KLKB1: variants seen among roughly 807,000 people sequenced by gnomAD.
The protein encoded by KLKB1 is kallikrein B1.
Under a neutral mutation model 73.6 loss-of-function variants are expected in KLKB1, and 58 were observed. That is an observed-to-expected ratio of 0.79 (90% CI 0.64 to 0.98). The LOEUF is 0.98. KLKB1 is among the 50% of genes least tolerant of loss of function. The pLI is 0.00. For synonymous variants in KLKB1, 280 were observed against 258.1 expected, an observed-to-expected ratio of 1.08 and a Z score of -0.81; for missense variants, 737 against 763.8, an observed-to-expected ratio of 0.96 and a Z score of 0.41.
In KLKB1 at chr4:186,251,749, G is replaced by C; in HGVS notation, c.1032G>C (p.Lys344Asn). 2 of 1,611,312 alleles carry C rather than the reference G, an allele frequency of 1.2e-6. No homozygotes were observed. The highest frequency in any genetic ancestry group is 1.7e-6 in the Non-Finnish European group (2 of 1,177,476). The change falls in exon 10 of 15, where the codon AAG (lysine) becomes AAC (asparagine). Residue 344 changes from lysine (K) to asparagine (N), a missense_variant and splice_region_variant. Lys to Asn is a moderately conservative substitution (Grantham distance 94). Transcript: ENST00000264690. ...TCTTTCTACTGTTCATTTCATCTAG[G>C]TGTAAGTGTTTCTTAAGATTATCTA... ...SLLPEDCKEE[K>N]CKCFLRLSMD...
At chr4:186,240,419 C>T (rs184303694) in intron 6 of KLKB1, among the ~76,000 whole-genome samples, 155 of 152,180 alleles carry the variant, frequency 1.0e-3, no homozygotes, top group Admixed American at 9.5e-3. Context: ...ACTGTAAGGT[C>T]ATTCCTTGGT....
At chr4:186,257,721 T>A (rs1400462754) in intron 14 of KLKB1, among the ~76,000 whole-genome samples, 1 of 150,294 alleles carries the variant, frequency 6.7e-6, no homozygotes, top group Non-Finnish European at 1.5e-5. Flanking sequence ...CATGAGATAC[T>A]TGGAGAACTT....
rs2278542 is a variant in KLKB1, at chr4:186,250,273, C to A, written c.629C>A (p.Ala210Glu). 2.2e-3 allele frequency: 3,484 copies of A among 1,614,064 alleles called. 77 individuals are homozygous for A. In the East Asian group the frequency reaches 0.045, roughly 21 times the overall value. The stretch of plus-strand genomic sequence containing the variant: ...CACATGAACATCTTCCAGCATCTTG[C>A]GTTCTCAGATGTGGATGTTGCCAGG... The part of the protein sequence containing the change: ...GCHMNIFQHL[A>E]FSDVDVARVL... The change falls in exon 7 of 15, where the codon GCG (alanine) becomes GAG (glutamate). Residue 210 changes from alanine to glutamate, a missense_variant. Physicochemically the swap from Ala to Glu is moderately radical, Grantham distance 107. Transcript: ENST00000264690.
upstream of KLKB1, among the ~76,000 whole-genome samples, chr4:186,222,769 T>C (rs1246649085): frequency 2.0e-5 from 3 of 152,198 alleles, no homozygotes; most frequent in Non-Finnish European, 4.4e-5. Context: ...TTTGTTTTCA[T>C]GTTAGTTAGT....
At chr4:186,240,544 C>T (rs1358394136) in intron 6 of KLKB1, among the ~76,000 whole-genome samples, 1 of 152,102 alleles carries the variant, frequency 6.6e-6, no homozygotes, top group African/African-American at 2.4e-5. Context: ...GACATTCCAC[C>T]TCATTTAGCA....
At chr4:186,239,571 G>A (rs1561455487) in intron 6 of KLKB1, among the ~76,000 whole-genome samples, 1 of 144,738 alleles carries the variant, frequency 6.9e-6, no homozygotes, top group Admixed American at 6.9e-5. Flanking sequence ...AGAGTTATAG[G>A]TACAGTGACA....
intron 6 of KLKB1, among the ~76,000 whole-genome samples, chr4:186,244,737 G>A (rs1005192567): frequency 2.6e-5 from 4 of 152,178 alleles, no homozygotes; most frequent in African/African-American, 9.7e-5. Flanking sequence ...GGCTTGTCCG[G>A]TTTTTGGACA....
rs1368703328 is a variant in KLKB1 at position 186,251,579 on chromosome 4, A to G, written c.961A>G (p.Thr321Ala). 1 of 1,614,032 alleles carries G rather than the reference A, an allele frequency of 6.2e-7. No homozygotes were observed. Among genetic ancestry groups the G allele is most frequent in the Non-Finnish European group, 8.5e-7 (1 of 1,179,888 alleles). The change falls in exon 9 of 15, where the codon ACT becomes GCT. Residue 321 changes from threonine to alanine, a missense_variant. Coordinates refer to ENST00000264690, the MANE Select transcript of KLKB1 (RefSeq NM_000892.5). ...FVKGVNVCQE[T>A]CTKMIRCQFF... ...TAAAGGAGTGAATGTTTGCCAAGAG[A>G]CTTGCACAAAGATGATTCGCTGTCA...
chr4:186,222,993 T>C (rs767653088), upstream of KLKB1, among the ~76,000 whole-genome samples: 2 of 152,210 alleles, frequency 1.3e-5, no homozygotes, highest in Non-Finnish European at 2.9e-5. Flanking sequence ...TATGTTCTCA[T>C]GATAGTGAGG....
rs1275844679 is a variant in KLKB1 at position 186,251,625 on chromosome 4, T to C, written c.1007T>C (p.Leu336Pro). ...IRCQFFTYSL[L>P]PEDCKEEKCK... ...TGTCAGTTTTTCACTTATTCTTTAC[T>C]CCCAGAAGACTGTAAGGAAGAGAAG... The change falls in exon 9 of 15, where the codon CTC (leucine) becomes CCC (proline). Residue 336 changes from leucine (L) to proline (P), a missense_variant. Transcript: ENST00000264690. 1 of 1,614,152 alleles carries C rather than the reference T, an allele frequency of 6.2e-7. No homozygotes were observed.
At chr4:186,257,775 GTGTGTC>G (rs1464288985) in intron 14 of KLKB1, among the ~76,000 whole-genome samples, 1 of 147,158 alleles carries the variant, frequency 6.8e-6, no homozygotes, top group Non-Finnish European at 1.5e-5. Flanking sequence ...GTGTGTGTGT[GTGTGTC>G]TGGCAAGCAA....
rs1051442035 is a variant in KLKB1 at position 186,228,345 on chromosome 4, C to T, written c.58+92C>T. 5 of 783,700 alleles carry T rather than the reference C, an allele frequency of 6.4e-6. No homozygotes were observed. The African/African-American group carries it at 6.8e-5, about 11-fold the overall frequency. The allele number at this position is 783,700 out of a possible 1,614,324, so 48.5% of individuals were successfully genotyped here. A position where few individuals can be genotyped will look rare whatever the true frequency, so the allele number is the denominator to read the frequency against. Reference sequence around the variant, plus strand: ...CCCCTGGAGAAAGCTATTGAACATACAGCTTCGGGGGTGGAGATTGTCCCT... The same window carrying T: ...CCCCTGGAGAAAGCTATTGAACATATAGCTTCGGGGGTGGAGATTGTCCCT... On this transcript the variant is annotated intron_variant, in intron 2 of 14. Transcript: ENST00000264690.
intron 2 of KLKB1, among the ~76,000 whole-genome samples, chr4:186,231,013 C>T (rs1314359439): frequency 1.3e-5 from 2 of 152,104 alleles, no homozygotes; most frequent in East Asian, 3.9e-4. Context: ...TTGGCCACAC[C>T]TCAGAGAGGG....
upstream of KLKB1, among the ~76,000 whole-genome samples, chr4:186,222,998 G>A (rs1737063991): frequency 6.6e-6 from 1 of 152,166 alleles, no homozygotes. Context: ...TCTCATGATA[G>A]TGAGGGTGTT....
chr4:186,249,617 A>AT (rs1305416646), intron 6 of KLKB1, among the ~76,000 whole-genome samples: 4 of 152,158 alleles, frequency 2.6e-5, no homozygotes, highest in African/African-American at 9.7e-5. Flanking sequence ...TTCCATATGA[A>AT]TTTTAGGATG....
chr4:186,240,789 C>T (rs1009206860), intron 6 of KLKB1, among the ~76,000 whole-genome samples: 2 of 152,062 alleles, frequency 1.3e-5, no homozygotes, highest in African/African-American at 2.4e-5. Context: ...TTAATTTTAA[C>T]GTTCATATTA....
chr4:186,237,809 C>T (rs1737773941), intron 5 of KLKB1, among the ~76,000 whole-genome samples: 2 of 152,088 alleles, frequency 1.3e-5, no homozygotes, highest in African/African-American at 4.8e-5. Flanking sequence ...TTTCAACGCC[C>T]GCCCCCTTCC....
intron 2 of KLKB1, among the ~76,000 whole-genome samples, chr4:186,228,468 C>CAGA (rs1737250111): frequency 6.6e-6 from 1 of 152,094 alleles, no homozygotes; most frequent in Admixed American, 6.6e-5. Flanking sequence ...GGAAGGAGCT[C>CAGA]AGAAGTAGGA....
At chr4:186,245,739 T>C (rs4253288) in intron 6 of KLKB1, among the ~76,000 whole-genome samples, 135,244 of 150,396 alleles carry the variant, frequency 0.9, 60,877 homozygotes, top group East Asian at 0.93. Flanking sequence ...TTATTGTACA[T>C]CTTGAAGGCG....
Sources: allele counts gnomAD v4.1 joint callset (sites outside exome capture counted in the v4.1 genomes callset), GRCh38; gene constraint gnomAD v4.1.1; transcripts MANE v1.5; gene names NCBI Gene and HGNC (gene_info 2026-07-23, HGNC 2026-07-21).